Variants in MAP2K4 observed in about 807,000 individuals in gnomAD.
MAP2K4 encodes mitogen-activated protein kinase kinase 4.
In MAP2K4, 4 loss-of-function variants were observed where a neutral mutation model predicts 48.5. The ratio of observed to expected loss-of-function variants is 0.08; its 90% confidence interval spans 0.04 to 0.19. The LOEUF (loss-of-function observed/expected upper bound fraction) is 0.19, where lower values mean the gene tolerates loss of function less well. Ranked by LOEUF, MAP2K4 falls within the 10% of genes least tolerant of loss-of-function variation. The pLI, the probability that MAP2K4 is intolerant of heterozygous loss-of-function variation, is 1.00. For synonymous variants in MAP2K4, 166 were observed against 173.1 expected (o/e 0.96, Z 0.32); for missense variants, 258 against 493.3 (o/e 0.52, Z 4.52).
At position 12,108,147 on chromosome 17, in the gene MAP2K4, C is replaced by G. The variant is rs535959266; in HGVS notation, c.633+238C>G. ...TCTCAATGAGTCATAACAGACTGTTCTGTAAATAAAGCTAGGAAAAGCAAT... is the reference window on the plus strand; with the variant it reads ...TCTCAATGAGTCATAACAGACTGTTGTGTAAATAAAGCTAGGAAAAGCAAT... On this transcript the variant is annotated intron_variant, in intron 5 of 10. Transcript: ENST00000353533. 4.6e-5 allele frequency among the ~76,000 whole-genome samples: 7 copies of G among 152,248 alleles called. No individual in the cohort carries two copies. In the South Asian group the frequency reaches 1.5e-3, roughly 32 times the overall value.
Position 12,021,006 on chromosome 17 carries a change from G to A in MAP2K4, c.115+5G>A. On this transcript the variant is annotated splice_donor_5th_base_variant and intron_variant, in intron 1 of 10. Transcript: ENST00000353533. ...CGGCCGTCAGCAGCATGCAGGGTAA[G>A]GAACGCGGCCGCGCCGAGATCCCAG... The A allele has an allele frequency of 8.3e-7, 1 of 1,207,832 alleles. No homozygotes were observed. Among genetic ancestry groups the A allele is most frequent in the East Asian group, 3.4e-5 (1 of 29,730 alleles). The allele number at this position is 1,207,832 out of a possible 1,614,324, so 74.8% of individuals were successfully genotyped here.
chr17:12,058,935 A>T (rs2151529262), intron 2 of MAP2K4, among the ~76,000 whole-genome samples: 1 of 152,244 alleles, frequency 6.6e-6, no homozygotes, highest in East Asian at 1.9e-4. Flanking sequence ...CCTTCTCTTG[A>T]AATCGATTAG....
chr17:12,135,304 C>G (rs890312853), intron 9 of MAP2K4, among the ~76,000 whole-genome samples: 1 of 152,148 alleles, frequency 6.6e-6, no homozygotes, highest in African/African-American at 2.4e-5. Context: ...TCAGGTTGGT[C>G]AGCTCTTGAC....
At chr17:12,076,106 A>T (rs61265597) in intron 2 of MAP2K4, among the ~76,000 whole-genome samples, 1 of 152,096 alleles carries the variant, frequency 6.6e-6, no homozygotes, top group Admixed American at 6.6e-5. Context: ...AAGGTGGAGG[A>T]TGTGGCTAGA....
chr17:12,057,857 A>G (rs1253192539), intron 2 of MAP2K4, among the ~76,000 whole-genome samples: 1 of 152,208 alleles, frequency 6.6e-6, no homozygotes, highest in Non-Finnish European at 1.5e-5. Context: ...TTTGGATACA[A>G]AATAGGGAAT....
At chr17:12,060,476 T>C (rs1970412340) in intron 2 of MAP2K4, among the ~76,000 whole-genome samples, 1 of 152,222 alleles carries the variant, frequency 6.6e-6, no homozygotes, top group African/African-American at 2.4e-5. Context: ...GAGAGTTTTG[T>C]AGCGTTGTCT....
chr17:12,057,014 G>A (rs911086700), intron 2 of MAP2K4, among the ~76,000 whole-genome samples: 3 of 152,076 alleles, frequency 2.0e-5, no homozygotes, highest in Non-Finnish European at 2.9e-5. Context: ...AGCTAATGAA[G>A]TTAAGATATG....
chr17:12,087,140 G>A lies in MAP2K4; in HGVS notation c.393+5610G>A, dbSNP rs138256124. On this transcript the variant is annotated intron_variant, in intron 3 of 10. Coordinates refer to ENST00000353533, the MANE Select transcript of MAP2K4 (RefSeq NM_003010.4). ...TGGGATTACAGGTGAGAGCTACCACGCCCAGCCAAAAACCTGTCTTACCAT... is the reference window on the plus strand; with the variant it reads ...TGGGATTACAGGTGAGAGCTACCACACCCAGCCAAAAACCTGTCTTACCAT... Among the ~76,000 whole-genome samples, 25 of 152,164 alleles carry A rather than the reference G, an allele frequency of 1.6e-4. No individual in the cohort carries two copies. In the East Asian group the frequency reaches 3.9e-3, roughly 24 times the overall value.
chr17:12,058,227 CT>C (rs144800120), intron 2 of MAP2K4, among the ~76,000 whole-genome samples: 10,953 of 129,964 alleles, frequency 0.084, 450 homozygotes, highest in African/African-American at 0.14. Context: ...CTAGACCTTT[CT>C]TTTTTTTTTT....
At position 12,041,719 on chromosome 17, in the gene MAP2K4, C is replaced by T. The variant is rs186759265; in HGVS notation, c.116-13170C>T. ...ACAGATAAAACACCCTATTGTGTCT[C>T]TTAGTGAAACTGTTTGTCCTAAAGA... On this transcript the variant is annotated intron_variant, in intron 1 of 10. Transcript: ENST00000353533. Among the ~76,000 whole-genome samples the T allele has an allele frequency of 2.9e-3, 446 of 152,322 alleles. 5 individuals are homozygous for T. The highest frequency in any genetic ancestry group is 1.8e-3 in the Non-Finnish European group (125 of 68,038).
At chr17:12,029,201 G>A (rs898376246) in intron 1 of MAP2K4, among the ~76,000 whole-genome samples, 1 of 151,952 alleles carries the variant, frequency 6.6e-6, no homozygotes, top group Non-Finnish European at 1.5e-5. Context: ...ATGTGGGAAC[G>A]AGGGTAGGAG....
At chr17:12,079,748 C>T (rs933102523) in intron 2 of MAP2K4, among the ~76,000 whole-genome samples, 1 of 152,210 alleles carries the variant, frequency 6.6e-6, no homozygotes, top group African/African-American at 2.4e-5. Context: ...AATCATTATA[C>T]ATGGAACTTC....
At chr17:12,088,542 T>TATATGTAATATATAATATATATTAAA (rs1567653676) in intron 3 of MAP2K4, among the ~76,000 whole-genome samples, 1 of 25,768 alleles carries the variant, frequency 3.9e-5, no homozygotes, top group Non-Finnish European at 1.6e-4. Context: ...ATATATTAAA[T>TATATGTAATATATAATATATATTAAA]TATATCTAAT....
At chr17:12,084,158 T>TAG (rs1377397655) in intron 3 of MAP2K4, among the ~76,000 whole-genome samples, 2 of 152,200 alleles carry the variant, frequency 1.3e-5, no homozygotes, top group Non-Finnish European at 2.9e-5. Flanking sequence ...TAAGAAATAT[T>TAG]TGAAAAAGGT....
chr17:12,041,231 G>C (rs1230518459), intron 1 of MAP2K4, among the ~76,000 whole-genome samples: 1 of 152,224 alleles, frequency 6.6e-6, no homozygotes, highest in Non-Finnish European at 1.5e-5. Flanking sequence ...GAAATTGGGA[G>C]TTATTTAATG....
rs146989618 is a variant in MAP2K4, at chr17:12,143,442, T to G, written c.*2182T>G. On this transcript the variant is annotated 3_prime_UTR_variant, in exon 11 of 11. Transcript: ENST00000353533. The stretch of plus-strand genomic sequence containing the variant: ...AAGGGTGTATAGTGTTCACAAACTG[T>G]GAAAATAGTGTAAGAACTGTACATT... 201 of 232,562 alleles carry G rather than the reference T, an allele frequency of 8.6e-4. 2 individuals are homozygous for G. The highest frequency in any genetic ancestry group is 4.1e-3 in the African/African-American group (187 of 45,412). The allele number at this position is 232,562 out of a possible 1,614,324, so 14.4% of individuals were successfully genotyped here.
At position 12,142,391 on chromosome 17, in the gene MAP2K4, C is replaced by T. The variant is rs1027311137; in HGVS notation, c.*1131C>T. 1 of 232,996 alleles carries T rather than the reference C, an allele frequency of 4.3e-6. No homozygotes were observed. Among genetic ancestry groups the T allele is most frequent in the Non-Finnish European group, 8.5e-6 (1 of 117,922 alleles). 14.4% of individuals were successfully genotyped at this position (232,996 alleles called of 1,614,324 possible). ...TTTCCCTTCCCCTGTGGTCTATTGT[C>T]GCTATGTGACTTGCGCTTAATCCAA... On this transcript the variant is annotated 3_prime_UTR_variant, in exon 11 of 11. Transcript: ENST00000353533.
intron 1 of MAP2K4, among the ~76,000 whole-genome samples, chr17:12,030,671 T>G (rs1039233401): frequency 2.6e-5 from 4 of 152,216 alleles, no homozygotes; most frequent in Non-Finnish European, 5.9e-5. Context: ...CAACCTTACA[T>G]ATAGATCCAA....
chr17:12,091,419 A>G lies in MAP2K4; in HGVS notation c.394-4156A>G, dbSNP rs78778773. On this transcript the variant is annotated intron_variant, in intron 3 of 10. Coordinates refer to ENST00000353533, the MANE Select transcript of MAP2K4 (RefSeq NM_003010.4). ...ACAAGGGGATCATTTGTAACTGAAC[A>G]TTTTTAGCTTGTCCTATGGGACTTG... Among the ~76,000 whole-genome samples, 284 of 152,308 alleles carry G rather than the reference A, an allele frequency of 1.9e-3. 2 individuals carry two copies. Among genetic ancestry groups the G allele is most frequent in the African/African-American group, 6.3e-3 (262 of 41,572 alleles).
Sources: allele counts gnomAD v4.1 joint callset (sites outside exome capture counted in the v4.1 genomes callset), GRCh38; gene constraint gnomAD v4.1.1; transcripts MANE v1.5; gene names NCBI Gene and HGNC (gene_info 2026-07-23, HGNC 2026-07-21).